The following ACSM5 variants were observed in gnomAD, a reference collection of about 807,000 sequenced individuals.
ACSM5 encodes acyl-CoA synthetase medium chain family member 5.
A neutral mutation model predicts 71.6 loss-of-function variants in ACSM5; 56 were observed. The ratio of observed to expected loss-of-function variants is 0.78; its 90% CI spans 0.63 to 0.98. The LOEUF is 0.98. Ranked by LOEUF, ACSM5 falls within the 50% of genes least tolerant of loss-of-function variation. The pLI, the probability that ACSM5 is intolerant of heterozygous loss-of-function variation, is 0.00. For missense variants in ACSM5, 723 were observed against 726.0 expected (o/e 1.00, Z 0.05); for synonymous variants, 285 against 281.5 (o/e 1.01, Z -0.12).
rs1336332795 is a variant in ACSM5 at position 20,422,467 on chromosome 16, A to T, written c.767+1066A>T. On this transcript the variant is annotated intron_variant, in intron 5 of 13. Coordinates refer to ENST00000331849, the MANE Select transcript of ACSM5 (RefSeq NM_017888.3). ...TGATAGACACTTGGGTAGCTTCCAC[A>T]TTTTGGCTATTGTCAATAATGTTGC... is the stretch of plus-strand genomic sequence containing the variant. Among the ~76,000 whole-genome samples the T allele has an allele frequency of 2.6e-5, 4 of 152,130 alleles. No individual in the cohort carries two copies. The East Asian group carries it at 7.7e-4, about 29-fold the overall frequency.
intron 6 of ACSM5, among the ~76,000 whole-genome samples, 161 bp from the exon 7 acceptor site, chr16:20,427,627 G>C (rs573000103): frequency 7.9e-5 from 12 of 152,240 alleles, no homozygotes; most frequent in African/African-American, 2.9e-4. Context: ...GCACATGCCA[G>C]GAAGTAGGAG....
intron 10 of ACSM5, among the ~76,000 whole-genome samples, chr16:20,436,506 A>G (rs12598673): frequency 0.37 from 55,441 of 151,828 alleles, 11,135 homozygotes; most frequent in East Asian, 0.77. Context: ...GAGTAGCTGG[A>G]ATTACAGGCA....
chr16:20,421,615 CTATATATATATATATATATATA>C lies in ACSM5; in HGVS notation c.767+235_767+256del, dbSNP rs59443556. ...TGGGAGGTTTCTTTTTAAATCGTGG[CTATATATATATATATATATATA>C]TATATATATATATATATATACACAC... On this transcript the variant is annotated intron_variant, in intron 5 of 13. Transcript: ENST00000331849. Among the ~76,000 whole-genome samples the C allele has an allele frequency of 2.1e-4, 22 of 105,820 alleles. 1 individual carries two copies. The highest frequency in any genetic ancestry group is 8.5e-3 in the Middle Eastern group (2 of 236). The allele number at this position is 105,820 out of a possible 152,430, so 69.4% of individuals were successfully genotyped here.
At chr16:20,428,020 A>T (rs12921994) in intron 7 of ACSM5, among the ~76,000 whole-genome samples, 153 bp downstream of exon 7, 72 of 152,086 alleles carry the variant, frequency 4.7e-4, no homozygotes, top group African/African-American at 1.6e-3. Flanking sequence ...TCTCTCTCTC[A>T]CACACACATT....
chr16:20,422,172 TGC>T (rs1167535175), intron 5 of ACSM5, among the ~76,000 whole-genome samples: 2 of 152,074 alleles, frequency 1.3e-5, no homozygotes, highest in East Asian at 3.9e-4. Context: ...TGTGCAGTGG[TGC>T]GATCTCCACT....
intron 7 of ACSM5, among the ~76,000 whole-genome samples, chr16:20,429,034 A>G (rs551524431): frequency 3.3e-5 from 5 of 151,532 alleles, no homozygotes; most frequent in Admixed American, 6.6e-5. Context: ...TTTTAGAGAC[A>G]GAGTCTTGCT....
At chr16:20,424,262 T>C (rs1349040689) in intron 6 of ACSM5, among the ~76,000 whole-genome samples, 193 bp downstream of exon 6, 1 of 152,174 alleles carries the variant, frequency 6.6e-6, no homozygotes, top group Non-Finnish European at 1.5e-5. Flanking sequence ...TCTAGCTACA[T>C]TCCTAGATGT....
intron 4 of ACSM5, 71 bp downstream of exon 4, chr16:20,419,506 C>T: frequency 7.0e-7 from 1 of 1,435,266 alleles, no homozygotes; most frequent in Non-Finnish European, 9.7e-7. Flanking sequence ...AGATGAAATG[C>T]ATTGCTGATT....
In ACSM5 at chr16:20,423,975, T is replaced by C. The variant is rs779626804; in HGVS notation, c.827T>C (p.Val276Ala). 2 of 1,614,062 alleles carry C rather than the reference T, an allele frequency of 1.2e-6. No individual in the cohort carries two copies. The highest frequency in any genetic ancestry group is 2.7e-5 in the African/African-American group (2 of 74,922). The change falls in exon 6 of 14, where the codon GTG (valine) becomes GCG (alanine). Residue 276 changes from valine to alanine, a missense_variant. Transcript: ENST00000331849. The part of the protein sequence containing the change: ...IFWNTTDTGW[V>A]KAAWTLFSAW... ...TGGAACACGACTGACACTGGCTGGG[T>C]GAAGGCAGCCTGGACTCTCTTCTCT...
Position 20,431,291 on chromosome 16 carries a change from T to C in ACSM5, c.1278T>C (p.Thr426=), listed in dbSNP as rs77351186. The change falls in exon 10 of 14, where the codon ACT becomes ACC. Residue 426 remains threonine (T), a synonymous_variant. Transcript: ENST00000331849. ...EGNVAVRIRP[T]RPFCFFNCYL... ...ATGTTGCCGTCCGTATCAGACCCAC[T>C]CGGCCCTTCTGTTTCTTCAATTGCT... 6.2e-6 allele frequency: 10 copies of C among 1,614,104 alleles called. No homozygotes were observed. Among genetic ancestry groups the C allele is most frequent in the South Asian group, 5.5e-5 (5 of 91,078 alleles).
In ACSM5 at chr16:20,431,025, A is replaced by T; in HGVS notation, c.1158A>T (p.Lys386Asn). 1 of 1,613,948 alleles carries T rather than the reference A, an allele frequency of 6.2e-7. No individual in the cohort carries two copies. The highest frequency in any genetic ancestry group is 8.5e-7 in the Non-Finnish European group (1 of 1,179,902). Residue 386 changes from lysine to asparagine, a missense_variant, in exon 9 of 14, where the codon AAA (lysine) becomes AAT (asparagine). Transcript: ENST00000331849. ...TCTGTGCCAATCCAAAAGGCATGAA[A>T]ATCAAGTCTGGATCCATGGGGAAGG... is the stretch of plus-strand genomic sequence containing the variant. ...VVICANPKGM[K>N]IKSGSMGKAS... is the part of the protein sequence containing the mutation.
intron 2 of ACSM5, among the ~76,000 whole-genome samples, chr16:20,417,464 C>T: frequency 6.6e-6 from 1 of 152,184 alleles, no homozygotes; most frequent in African/African-American, 2.4e-5. Context: ...AGCTACATAT[C>T]ATATGATTCC....
chr16:20,415,642 C>T (rs1421639811), intron 2 of ACSM5, among the ~76,000 whole-genome samples: 1 of 152,184 alleles, frequency 6.6e-6, no homozygotes, highest in Non-Finnish European at 1.5e-5. Flanking sequence ...ACATGTGTTA[C>T]CCTTCTTGTA....
rs774731305 is a variant in ACSM5 at position 20,427,842 on chromosome 16, C to T, written c.976C>T (p.Leu326=). ...TLCCVPTIFR[L]LVQEDLTRYQ... is the part of the protein sequence containing the mutation. ...CTGCTGTGTCCCAACCATCTTTCGGCTGCTTGTGCAGGAGGATCTGACCAG... is the reference window on the plus strand; with the variant it reads ...CTGCTGTGTCCCAACCATCTTTCGGTTGCTTGTGCAGGAGGATCTGACCAG... Residue 326 remains leucine (L), a synonymous_variant, in exon 7 of 14, where the codon CTG becomes TTG. Coordinates refer to ENST00000331849, the MANE Select transcript of ACSM5 (RefSeq NM_017888.3). The T allele has an allele frequency of 4.3e-6, 7 of 1,613,988 alleles. No individual in the cohort carries two copies. Among genetic ancestry groups the T allele is most frequent in the Non-Finnish European group, 5.1e-6 (6 of 1,179,916 alleles).
intron 2 of ACSM5, among the ~76,000 whole-genome samples, chr16:20,414,180 C>T (rs1262982441): frequency 6.6e-6 from 1 of 152,018 alleles, no homozygotes. Context: ...AATAATGCAC[C>T]CCTTCCCCAA....
At chr16:20,425,091 T>C (rs1047896713) in intron 6 of ACSM5, among the ~76,000 whole-genome samples, 14 of 152,228 alleles carry the variant, frequency 9.2e-5, no homozygotes, top group Non-Finnish European at 5.9e-5. Context: ...GTCTTATTCA[T>C]TCATTCTATT....
chr16:20,419,424 G>A lies in ACSM5; in HGVS notation c.612G>A (p.Arg204=), dbSNP rs761185237. ...DSSRPGWLNF[R]ELLREASTEH... is the part of the protein sequence containing the mutation. ...GTCGGCCAGGCTGGTTGAACTTCAG[G>A]GAACTCCTCCGGTGAATTGGGGCTC... Residue 204 remains arginine (R), a synonymous_variant, in exon 4 of 14, where the codon AGG becomes AGA. Coordinates refer to ENST00000331849, the MANE Select transcript of ACSM5 (RefSeq NM_017888.3). 3.7e-6 allele frequency: 6 copies of A among 1,614,080 alleles called. No individual in the cohort carries two copies. In the East Asian group the frequency reaches 8.9e-5, roughly 24 times the overall value.
In ACSM5 at chr16:20,431,294, GC is replaced by G. The variant is rs1275381652; in HGVS notation, c.1284del (p.Phe429SerfsTer46). On this transcript the variant is annotated frameshift_variant, in exon 10 of 14. Coordinates refer to ENST00000331849, the MANE Select transcript of ACSM5 (RefSeq NM_017888.3). LOFTEE classifies it high-confidence loss of function. ...TTGCCGTCCGTATCAGACCCACTCG[GC>G]CCTTCTGTTTCTTCAATTGCTATTT... ...NVAVRIRPTR[P>X]FCFFNCYLDN... is the part of the protein sequence containing the mutation. 26 of 1,614,030 alleles carry G rather than the reference GC, an allele frequency of 1.6e-5. No individual in the cohort carries two copies. The highest frequency in any genetic ancestry group is 2.2e-5 in the Non-Finnish European group (26 of 1,180,018).
intron 7 of ACSM5, 113 bp downstream of exon 7, chr16:20,427,980 C>G (rs1188565167): frequency 1.1e-5 from 9 of 822,138 alleles, no homozygotes; most frequent in African/African-American, 1.7e-5. Flanking sequence ...TCTGTCTCTC[C>G]CTCTATATAT....
Sources: gnomAD v4.1 joint callset for allele counts (sites outside exome capture counted in the v4.1 genomes callset) on GRCh38, gnomAD v4.1.1 for gene constraint, MANE v1.5 for transcripts, NCBI Gene and HGNC (gene_info 2026-07-23, HGNC 2026-07-21) for gene names.